The following TCFL5 variants were observed in gnomAD, a reference collection of about 807,000 sequenced individuals.
The protein encoded by TCFL5 is transcription factor-like 5 protein.
In TCFL5, 9 loss-of-function variants were observed where a neutral mutation model predicts 44.3. The observed-to-expected ratio is 0.20, with a 90% CI of 0.12 to 0.35. The LOEUF (loss-of-function observed/expected upper bound fraction) is 0.35, where lower values mean the gene tolerates loss of function less well. TCFL5 is among the 10% of genes least tolerant of loss of function. TCFL5 has a pLI of 1.00. For synonymous variants in TCFL5, 319 were observed against 271.6 expected (o/e 1.17, Z -1.72); for missense variants, 603 against 613.4 (o/e 0.98, Z 0.18).
In TCFL5 at chr20:62,853,106, TAGTCACCCGGTCCACAGAAGTAC is replaced by T. The variant is rs1294386206; in HGVS notation, c.1380+887_1380+909del. On this transcript the variant is annotated intron_variant, in intron 5 of 5. Coordinates refer to ENST00000335351, the MANE Select transcript of TCFL5 (RefSeq NM_006602.4). Reference sequence around the variant, plus strand: ...GCACAGTCACCGGTCCACAGAAGCATAGTCACCCGGTCCACAGAAGTACAGTCACCCGGTCCACAGTATAGTCA... The same window carrying T: ...GCACAGTCACCGGTCCACAGAAGCATAGTCACCCGGTCCACAGTATAGTCA... 1.4e-4 allele frequency among the ~76,000 whole-genome samples: 21 copies of T among 146,474 alleles called. No individual in the cohort carries two copies. The East Asian group carries it at 1.6e-3, about 11-fold the overall frequency.
chr20:62,852,844 C>A (rs1042763642), intron 5 of TCFL5: 4 of 1,288,760 alleles, frequency 3.1e-6, no homozygotes, highest in Non-Finnish European at 4.0e-6. Context: ...TCAACCAGTC[C>A]ACAAAAGTAT....
At chr20:62,859,694 C>T (rs912237704) in intron 2 of TCFL5, among the ~76,000 whole-genome samples, 168 bp from the exon 3 acceptor site, 9 of 151,600 alleles carry the variant, frequency 5.9e-5, no homozygotes, top group African/African-American at 2.2e-4. Flanking sequence ...AAACACTCAA[C>T]TTTCACAGGT....
chr20:62,843,105 C>T (rs988084910), intron 5 of TCFL5, among the ~76,000 whole-genome samples: 26 of 152,342 alleles, frequency 1.7e-4, no homozygotes, highest in Middle Eastern at 3.4e-3. Flanking sequence ...AATGTGGAAA[C>T]GTCTACGGGA....
In TCFL5 at chr20:62,841,905, G is replaced by A. The variant is rs2063683787; in HGVS notation, c.*70C>T. Reference sequence around the variant, plus strand: ...TCAGACTAGCCGAGCAGAGCTCCAGGGTTGCAGAAGGCGTGCACAGGTCAC... The same window carrying A: ...TCAGACTAGCCGAGCAGAGCTCCAGAGTTGCAGAAGGCGTGCACAGGTCAC... On this transcript the variant is annotated 3_prime_UTR_variant, in exon 6 of 6. Coordinates refer to ENST00000335351, the MANE Select transcript of TCFL5 (RefSeq NM_006602.4). 3.2e-6 allele frequency: 5 copies of A among 1,580,616 alleles called. No individual in the cohort carries two copies. The highest frequency in any genetic ancestry group is 4.3e-6 in the Non-Finnish European group (5 of 1,163,938).
intron 5 of TCFL5, chr20:62,845,767 C>T: frequency 1.2e-6 from 2 of 1,606,076 alleles, no homozygotes; most frequent in South Asian, 2.2e-5. Flanking sequence ...TTCTCCATCA[C>T]CAAGGAAGAG....
Position 62,842,938 on chromosome 20 carries a change from G to T in TCFL5, c.1381-841C>A, listed in dbSNP as rs1334518770. Among the ~76,000 whole-genome samples, 1 of 152,140 alleles carries T rather than the reference G, an allele frequency of 6.6e-6. No individual in the cohort carries two copies. Among genetic ancestry groups the T allele is most frequent in the Non-Finnish European group, 1.5e-5 (1 of 68,026 alleles). ...TCCTTGGGGAGACCCTGCCAGCAGG[G>T]TGGGGGTGGGCTGAGCTTGCTCCTG... On this transcript the variant is annotated intron_variant, in intron 5 of 5. Coordinates refer to ENST00000335351, the MANE Select transcript of TCFL5 (RefSeq NM_006602.4). The surrounding 1 kb of genome is among the most constrained non-coding windows in gnomAD (Gnocchi z 4.3).
At chr20:62,857,259 G>C in intron 4 of TCFL5, 136 bp downstream of exon 4, 3 of 1,265,002 alleles carry the variant, frequency 2.4e-6, no homozygotes, top group Non-Finnish European at 3.3e-6. Context: ...TGATCCATCT[G>C]GGAAAGCTAA....
intron 1 of TCFL5, 56 bp from the exon 2 acceptor site, chr20:62,860,364 C>T: frequency 6.7e-7 from 1 of 1,500,960 alleles, no homozygotes; most frequent in Non-Finnish European, 9.2e-7. Flanking sequence ...GACAAGCATC[C>T]ACCATCCCAC....
At chr20:62,845,275 C>T (rs2063726260) in intron 5 of TCFL5, 7 of 779,828 alleles carry the variant, frequency 9.0e-6, no homozygotes, top group African/African-American at 1.9e-5. Context: ...GCATGTACCA[C>T]CACGCCCGGC....
At chr20:62,845,431 A>T in intron 5 of TCFL5, 1 of 1,268,314 alleles carries the variant, frequency 7.9e-7, no homozygotes, top group South Asian at 1.6e-5. Flanking sequence ...CTTCTTCCCA[A>T]ATTTTAAAAG....
intron 5 of TCFL5, among the ~76,000 whole-genome samples, chr20:62,847,707 CAG>C: frequency 6.6e-6 from 1 of 152,356 alleles, no homozygotes; most frequent in South Asian, 2.1e-4. Context: ...TGTTCAAAAA[CAG>C]AATGAAAATC....
rs1484387925 is a variant in TCFL5 at position 62,841,043 on chromosome 20, TTGTG to T, written c.*928_*931del. 5.0e-5 allele frequency: 18 copies of T among 361,484 alleles called. No homozygotes were observed. The Admixed American group carries it at 7.7e-4, about 16-fold the overall frequency. The allele number at this position is 361,484 out of a possible 1,614,324, so 22.4% of individuals were successfully genotyped here. A position where few individuals can be genotyped will look rare whatever the true frequency, so the allele number is the denominator to read the frequency against. On this transcript the variant is annotated 3_prime_UTR_variant, in exon 6 of 6. Transcript: ENST00000335351. ...ATTCAGTAACTTGTTTACATAGCAT[TTGTG>T]TAAAGACTATGATCTCATCCCAATA...
In TCFL5 at chr20:62,861,379, C is replaced by A. The variant is rs1291814045; in HGVS notation, c.292G>T (p.Gly98Cys). 2.8e-6 allele frequency: 3 copies of A among 1,073,212 alleles called. No individual in the cohort carries two copies. The East Asian group carries it at 2.0e-4, about 71-fold the overall frequency. The allele number at this position is 1,073,212 out of a possible 1,614,324, so 66.5% of individuals were successfully genotyped here. A position where few individuals can be genotyped will look rare whatever the true frequency, so the allele number is the denominator to read the frequency against. Residue 98 changes from glycine to cysteine, a missense_variant, in exon 1 of 6, where the codon GGT becomes TGT. Around this residue, in one of 4 missense-constraint regions of TCFL5, gnomAD observed 540 missense variants for 478.7 expected, o/e 1.13. Coordinates refer to ENST00000335351, the MANE Select transcript of TCFL5 (RefSeq NM_006602.4). This position sits in a 1 kb window ranked among gnomAD's most constrained non-coding sequence, Gnocchi z 4.0. ...GAGAGGFAAGGQGGAAPVYPV... is the reference protein window; with the variant it reads ...GAGAGGFAAGCQGGAAPVYPV... ...TACACGGGCGCCGCGCCCCCCTGAC[C>A]GCCCGCCGCGAAGCCGCCCGCGCCT...
intron 5 of TCFL5, among the ~76,000 whole-genome samples, chr20:62,844,571 G>GT (rs1244475923): frequency 4.4e-5 from 6 of 136,618 alleles, no homozygotes; most frequent in African/African-American, 1.6e-4. Flanking sequence ...GTTTTTTTTT[G>GT]TTTGTTTTTT....
intron 5 of TCFL5, among the ~76,000 whole-genome samples, chr20:62,843,756 C>G (rs1433636650): frequency 6.6e-6 from 1 of 152,162 alleles, no homozygotes; most frequent in African/African-American, 2.4e-5. Context: ...CACACCGCTC[C>G]GGCCCCCAGC....
At chr20:62,848,286 C>T (rs1292521418) in intron 5 of TCFL5, among the ~76,000 whole-genome samples, 1 of 152,318 alleles carries the variant, frequency 6.6e-6, no homozygotes, top group Non-Finnish European at 1.5e-5. Context: ...GGGCCCCCAG[C>T]GTGCAGGGGC....
At chr20:62,853,106 T>TAGTCACCCGGTCCACAGAAGTAC (rs1294386206) in intron 5 of TCFL5, among the ~76,000 whole-genome samples, 1 of 146,478 alleles carries the variant, frequency 6.8e-6, no homozygotes, top group East Asian at 2.0e-4. Context: ...CACAGAAGCA[T>TAGTCACCCGGTCCACAGAAGTAC]AGTCACCCGG....
At chr20:62,860,593 G>C (rs576388308) in intron 1 of TCFL5, among the ~76,000 whole-genome samples, 16 of 152,368 alleles carry the variant, frequency 1.1e-4, no homozygotes, top group African/African-American at 3.4e-4. Flanking sequence ...GCTGGGATGA[G>C]CAGAAAACTG....
rs755348405 is a variant in TCFL5 at position 62,860,202 on chromosome 20, C to T, written c.754G>A (p.Ala252Thr). The change falls in exon 2 of 6, where the codon GCT becomes ACT. Residue 252 changes from alanine to threonine, a missense_variant. By Grantham distance (58) the Ala-to-Thr change is moderately conservative. Around this residue, in one of 4 missense-constraint regions of TCFL5, gnomAD observed 540 missense variants for 478.7 expected, o/e 1.13. Coordinates refer to ENST00000335351, the MANE Select transcript of TCFL5 (RefSeq NM_006602.4). ...AACAGTGGGTATGTAAATTGCAAAGCAGTAGTTGTAGCCGCAGTTTTATTT... is the reference window on the plus strand; with the variant it reads ...AACAGTGGGTATGTAAATTGCAAAGTAGTAGTTGTAGCCGCAGTTTTATTT... ...VKNKTAATTT[A>T]LQFTYPLFTT... is the part of the protein sequence containing the mutation. The T allele has an allele frequency of 9.9e-6, 16 of 1,613,770 alleles. No individual in the cohort carries two copies. Among genetic ancestry groups the T allele is most frequent in the Non-Finnish European group, 1.4e-5 (16 of 1,179,816 alleles).
Sources: allele counts gnomAD v4.1 joint callset (sites outside exome capture counted in the v4.1 genomes callset), GRCh38; gene constraint gnomAD v4.1.1; regional missense constraint gnomAD v4.1.1; non-coding constraint Gnocchi (gnomAD v3.1); transcripts MANE v1.5; gene names NCBI Gene and HGNC (gene_info 2026-07-23, HGNC 2026-07-21).